SPAG16: variants seen among roughly 807,000 people sequenced by gnomAD.
SPAG16 encodes sperm-associated antigen 16 protein.
A neutral mutation model predicts 80.4 loss-of-function variants in SPAG16; 86 were observed. The ratio of observed to expected loss-of-function variants is 1.07; its 90% CI spans 0.90 to 1.28. The LOEUF is 1.28. Ranked by LOEUF, SPAG16 falls within the 50% of genes most tolerant of loss-of-function variation. The pLI is 0.00. For missense variants in SPAG16, 870 were observed against 765.3 expected (o/e 1.14, Z -1.61); for synonymous variants, 294 against 265.9 (o/e 1.11, Z -1.03).
intron 10 of SPAG16, among the ~76,000 whole-genome samples, chr2:213,741,604 C>A (rs1320151492): frequency 6.6e-6 from 1 of 152,066 alleles, no homozygotes; most frequent in Non-Finnish European, 1.5e-5. Context: ...ATGTTGATTT[C>A]AGATTTTAAA....
chr2:213,407,146 G>C (rs890095202), intron 9 of SPAG16, among the ~76,000 whole-genome samples: 2 of 152,170 alleles, frequency 1.3e-5, no homozygotes, highest in Non-Finnish European at 2.9e-5. Flanking sequence ...TTGTTCGTGT[G>C]GATGGTGACA....
intron 10 of SPAG16, among the ~76,000 whole-genome samples, chr2:213,555,839 G>C (rs1298941546): frequency 6.6e-6 from 1 of 152,134 alleles, no homozygotes; most frequent in East Asian, 1.9e-4. Flanking sequence ...TGAATCACTT[G>C]TATCTTTAGT....
At chr2:214,067,952 G>T (rs1015971) in intron 13 of SPAG16, among the ~76,000 whole-genome samples, 2,227 of 152,190 alleles carry the variant, frequency 0.015, 57 homozygotes, top group African/African-American at 0.051. Flanking sequence ...TTTGTAAATA[G>T]AATTCAAATT....
intron 9 of SPAG16, among the ~76,000 whole-genome samples, chr2:213,436,116 C>G (rs2070623611): frequency 6.6e-6 from 1 of 152,164 alleles, no homozygotes; most frequent in Admixed American, 6.5e-5. Context: ...GTCAGAAGCC[C>G]TGAGTTTCAG....
At chr2:214,204,345 C>A (rs2058087603) in intron 15 of SPAG16, among the ~76,000 whole-genome samples, 1 of 152,204 alleles carries the variant, frequency 6.6e-6, no homozygotes, top group African/African-American at 2.4e-5. Flanking sequence ...GTCTTGAAAG[C>A]ACCACCTTCT....
intron 10 of SPAG16, among the ~76,000 whole-genome samples, chr2:213,546,918 A>T (rs149617430): frequency 1.4e-4 from 22 of 152,260 alleles, no homozygotes; most frequent in African/African-American, 5.1e-4. Context: ...TACCCTTTGG[A>T]AGTTTAAATT....
At chr2:214,172,287 T>A (rs531030834) in intron 15 of SPAG16, among the ~76,000 whole-genome samples, 6 of 152,082 alleles carry the variant, frequency 3.9e-5, no homozygotes, top group African/African-American at 1.4e-4. Flanking sequence ...GATGTTCCCC[T>A]TCCTGTGTCC....
chr2:213,335,404 C>A (rs918158806), intron 5 of SPAG16, among the ~76,000 whole-genome samples: 2 of 152,042 alleles, frequency 1.3e-5, no homozygotes, highest in African/African-American at 2.4e-5. Flanking sequence ...GTAACTGTTA[C>A]ACTAAAAAAT....
At chr2:213,340,378 G>A in intron 6 of SPAG16, 108 bp downstream of exon 6, 1 of 785,560 alleles carries the variant, frequency 1.3e-6, no homozygotes, top group Non-Finnish European at 2.1e-6. Context: ...CGGTTATTGA[G>A]CATAAGATGA....
intron 13 of SPAG16, among the ~76,000 whole-genome samples, chr2:214,054,378 A>C (rs1273565555): frequency 1.3e-5 from 2 of 152,172 alleles, no homozygotes; most frequent in Admixed American, 6.5e-5. Flanking sequence ...TAACAATTAA[A>C]ATCTCAGAGA....
At chr2:214,260,313 T>C (rs1332000005) in intron 15 of SPAG16, among the ~76,000 whole-genome samples, 1 of 152,032 alleles carries the variant, frequency 6.6e-6, no homozygotes, top group Non-Finnish European at 1.5e-5. Context: ...CAAAAACTAT[T>C]GAAATGATAA....
chr2:214,290,756 C>T (rs1308906221), intron 15 of SPAG16, among the ~76,000 whole-genome samples: 1 of 152,044 alleles, frequency 6.6e-6, no homozygotes, highest in Non-Finnish European at 1.5e-5. Context: ...AGTGTGATTT[C>T]TATTTTATAA....
At chr2:213,604,254 C>T (rs550743828) in intron 10 of SPAG16, among the ~76,000 whole-genome samples, 17 of 152,232 alleles carry the variant, frequency 1.1e-4, no homozygotes, top group South Asian at 4.1e-4. Flanking sequence ...GCCTTTTCTG[C>T]GCCATCTATT....
intron 10 of SPAG16, among the ~76,000 whole-genome samples, chr2:213,831,040 T>A (rs1438187885): frequency 7.0e-6 from 1 of 141,932 alleles, no homozygotes; most frequent in African/African-American, 2.6e-5. Flanking sequence ...ATGACTTTTT[T>A]TTTTTTTTTT....
At chr2:213,795,857 G>A (rs2662659) in intron 10 of SPAG16, among the ~76,000 whole-genome samples, 47,428 of 151,962 alleles carry the variant, frequency 0.31, 7,648 homozygotes, top group Middle Eastern at 0.39. Flanking sequence ...TGAGGACTCC[G>A]CAGAAGCAGA....
chr2:213,550,707 T>C (rs1161058843), intron 10 of SPAG16, among the ~76,000 whole-genome samples: 2 of 152,162 alleles, frequency 1.3e-5, no homozygotes, highest in African/African-American at 2.4e-5. Context: ...GTTCCAACTT[T>C]TATATTCCTT....
At chr2:214,177,275 C>T (rs2057123399) in intron 15 of SPAG16, among the ~76,000 whole-genome samples, 1 of 151,250 alleles carries the variant, frequency 6.6e-6, no homozygotes, top group East Asian at 1.9e-4. Flanking sequence ...TTTTTCTTAA[C>T]ATATGGACCA....
At chr2:214,350,804 G>T (rs2126047965) in intron 15 of SPAG16, among the ~76,000 whole-genome samples, 1 of 152,166 alleles carries the variant, frequency 6.6e-6, no homozygotes, top group East Asian at 1.9e-4. Context: ...CAGGAGCAAA[G>T]GCAATACCAG....
chr2:213,661,104 G>A (rs185387660), intron 10 of SPAG16, among the ~76,000 whole-genome samples: 1 of 152,238 alleles, frequency 6.6e-6, no homozygotes, highest in Non-Finnish European at 1.5e-5. Flanking sequence ...GGTGGTGCTA[G>A]GTCTCTGGTT....
Sources: gnomAD v4.1 joint callset for allele counts (sites outside exome capture counted in the v4.1 genomes callset) on GRCh38, gnomAD v4.1.1 for gene constraint, MANE v1.5 for transcripts, NCBI Gene and HGNC (gene_info 2026-07-23, HGNC 2026-07-21) for gene names.